The following ACTN1 variants were observed in gnomAD, a reference collection of about 807,000 sequenced individuals.
ACTN1 encodes actinin alpha 1, also known as alpha-actinin-1.
In ACTN1, 30 loss-of-function variants were observed where a neutral mutation model predicts 119.6. The observed-to-expected ratio is 0.25, with a 90% CI of 0.19 to 0.34. The LOEUF is 0.34. Ranked by LOEUF, ACTN1 falls within the 10% of genes least tolerant of loss-of-function variation. ACTN1 has a pLI of 1.00. For synonymous variants in ACTN1, 429 were observed against 472.6 expected, an observed-to-expected ratio of 0.91 and a Z score of 1.20; for missense variants, 764 against 1,223.4, an observed-to-expected ratio of 0.62 and a Z score of 5.60.
chr14:68,906,071 G>GGA (rs201503619), intron 6 of ACTN1, among the ~76,000 whole-genome samples: 2 of 141,808 alleles, frequency 1.4e-5, no homozygotes, highest in East Asian at 4.4e-4. Context: ...GCCAGAGGCC[G>GGA]GGGGGGCAGG....
intron 1 of ACTN1, among the ~76,000 whole-genome samples, chr14:68,968,233 T>C (rs2036766276): frequency 2.0e-5 from 3 of 152,284 alleles, no homozygotes; most frequent in African/African-American, 7.2e-5. Context: ...CTTTGAACAC[T>C]GGCGGGGTGC....
rs1464949258 is a variant in ACTN1 at position 68,879,370 on chromosome 14, C to T, written c.2281-301G>A. Among the ~76,000 whole-genome samples the T allele has an allele frequency of 2.0e-5, 3 of 152,068 alleles. No individual in the cohort carries two copies. The highest frequency in any genetic ancestry group is 2.0e-4 in the Admixed American group (3 of 15,278). ...CCTCAGAAGTGACCCAGCCCCCCCG[C>T]TTCCCCAGGGGCTTCCCCCCAGGTG... On this transcript the variant is annotated intron_variant, in intron 18 of 21. Coordinates refer to ENST00000394419, the MANE Select transcript of ACTN1 (RefSeq NM_001130004.2). This position sits in a 1 kb window ranked among gnomAD's most constrained non-coding sequence, Gnocchi z 4.9.
Position 68,888,146 on chromosome 14 carries a change from C to T in ACTN1, c.1234+1993G>A, listed in dbSNP as rs2032178078. ...GGCCGCGGCATGCTGACAGCCTTTG[C>T]GAAACTGTGCTGCCTGGCCGCTGCC... On this transcript the variant is annotated intron_variant, in intron 11 of 21. Coordinates refer to ENST00000394419, the MANE Select transcript of ACTN1 (RefSeq NM_001130004.2). The T allele has an allele frequency of 1.1e-5, 6 of 554,720 alleles. No individual in the cohort carries two copies. In the East Asian group the frequency reaches 1.4e-4, roughly 13 times the overall value. 34.4% of individuals were successfully genotyped at this position (554,720 alleles called of 1,614,324 possible).
rs764306381 is a variant in ACTN1 at position 68,884,353 on chromosome 14, A to G, written c.1495-45T>C. On this transcript the variant is annotated intron_variant, in intron 13 of 21. Transcript: ENST00000394419. ...TAAGGGTTAGTACAGTGATGTCCAG[A>G]ATCATCCCCCACTCCTATCAAGATC... is the stretch of plus-strand genomic sequence containing the variant. 6 of 1,579,632 alleles carry G rather than the reference A, an allele frequency of 3.8e-6. No homozygotes were observed. In the Admixed American group the frequency reaches 5.3e-5, roughly 14 times the overall value.
At position 68,979,182 on chromosome 14, in the gene ACTN1, C is replaced by A; in HGVS notation, c.-126G>T. On this transcript the variant is annotated 5_prime_UTR_variant, in exon 1 of 22. Coordinates refer to ENST00000394419, the MANE Select transcript of ACTN1 (RefSeq NM_001130004.2). ...GGGCTGGCGGGGCCGGGCTCGCTCC[C>A]CTGCGCCCGGTTCCGCCGCGGCGCT... 3.5e-6 allele frequency: 2 copies of A among 564,426 alleles called. No individual in the cohort carries two copies. The highest frequency in any genetic ancestry group is 5.4e-5 in the South Asian group (2 of 37,094). The allele number at this position is 564,426 out of a possible 1,614,324, so 35.0% of individuals were successfully genotyped here.
chr14:68,940,404 C>CTTG (rs2035726195), intron 1 of ACTN1, among the ~76,000 whole-genome samples: 1 of 152,160 alleles, frequency 6.6e-6, no homozygotes, highest in Non-Finnish European at 1.5e-5. Context: ...TTGACCCCTC[C>CTTG]ATGTAGTTGA....
At chr14:68,877,893 T>C (rs544023615) in intron 20 of ACTN1, 3 of 157,976 alleles carry the variant, frequency 1.9e-5, no homozygotes, top group South Asian at 3.8e-4. Context: ...TCACTGCTCC[T>C]AGCCCCATGC....
chr14:68,912,069 G>A lies in ACTN1; in HGVS notation c.427+87C>T, dbSNP rs529450842. ...AGGACATGGCCCCTGATCAACGTCC[G>A]TTGCCCTGGGTATGGGAGTTCTCCA... On this transcript the variant is annotated intron_variant, in intron 4 of 21. Coordinates refer to ENST00000394419, the MANE Select transcript of ACTN1 (RefSeq NM_001130004.2). 2.5e-5 allele frequency: 31 copies of A among 1,237,372 alleles called. No homozygotes were observed. In the Middle Eastern group the frequency reaches 1.1e-3, roughly 46 times the overall value. The allele number at this position is 1,237,372 out of a possible 1,614,324, so 76.6% of individuals were successfully genotyped here.
chr14:68,969,171 GGAAAAAGAAGAAGA>G (rs1475254154), intron 1 of ACTN1, among the ~76,000 whole-genome samples: 1 of 152,142 alleles, frequency 6.6e-6, no homozygotes, highest in Non-Finnish European at 1.5e-5. Context: ...GAGAGAAAGA[GGAAAAAGAAGAAGA>G]GAAAAAGAAA....
intron 7 of ACTN1, among the ~76,000 whole-genome samples, chr14:68,903,426 A>G (rs2033466306): frequency 6.6e-6 from 1 of 151,830 alleles, no homozygotes; most frequent in Non-Finnish European, 1.5e-5. Flanking sequence ...AATCCCAGCT[A>G]CTTGGGAGGC....
chr14:68,907,666 T>C (rs562992402), intron 6 of ACTN1, among the ~76,000 whole-genome samples: 5 of 152,124 alleles, frequency 3.3e-5, no homozygotes, highest in Admixed American at 6.5e-5. Context: ...CAGAGAGGGA[T>C]AGTGCGTGGG....
chr14:68,950,711 G>A (rs1469748036), intron 1 of ACTN1, among the ~76,000 whole-genome samples: 1 of 151,534 alleles, frequency 6.6e-6, no homozygotes, highest in Non-Finnish European at 1.5e-5. Flanking sequence ...ACAAGCACCC[G>A]CCACCACGCC....
Position 68,943,517 on chromosome 14 carries a change from C to T in ACTN1, c.106-17845G>A, listed in dbSNP as rs1402346143. Reference sequence around the variant, plus strand: ...AGCAAGGGCAGCCCTGGGGTGCTTTCGGCTCCCCAGCCCCCTCCCCCCAAC... The same window carrying T: ...AGCAAGGGCAGCCCTGGGGTGCTTTTGGCTCCCCAGCCCCCTCCCCCCAAC... On this transcript the variant is annotated intron_variant, in intron 1 of 21. Coordinates refer to ENST00000394419, the MANE Select transcript of ACTN1 (RefSeq NM_001130004.2). Among the ~76,000 whole-genome samples the T allele has an allele frequency of 3.9e-5, 6 of 152,218 alleles. No individual in the cohort carries two copies. In the East Asian group the frequency reaches 9.7e-4, roughly 25 times the overall value.
intron 1 of ACTN1, among the ~76,000 whole-genome samples, chr14:68,977,100 T>A (rs957424922): frequency 5.4e-4 from 83 of 152,326 alleles, no homozygotes; most frequent in Non-Finnish European, 4.4e-5. Context: ...CTCCTGCCCC[T>A]CCCAGGCACA....
chr14:68,920,880 G>T, intron 3 of ACTN1, 126 bp downstream of exon 3: 2 of 1,301,874 alleles, frequency 1.5e-6, no homozygotes, highest in Non-Finnish European at 2.1e-6. Flanking sequence ...AGATGGAGGT[G>T]CTGGGGACCC....
chr14:68,966,346 C>T (rs1316366694), intron 1 of ACTN1, among the ~76,000 whole-genome samples: 1 of 152,156 alleles, frequency 6.6e-6, no homozygotes, highest in African/African-American at 2.4e-5. Flanking sequence ...ATGTGATAAT[C>T]CAAGTACAGC....
At chr14:68,912,639 A>C (rs1356231199) in intron 3 of ACTN1, among the ~76,000 whole-genome samples, 1 of 152,152 alleles carries the variant, frequency 6.6e-6, no homozygotes, top group African/African-American at 2.4e-5. Context: ...AGCCTCCCAA[A>C]GTGCTGGAAT....
chr14:68,954,843 CT>C (rs1420720363), intron 1 of ACTN1, among the ~76,000 whole-genome samples: 2 of 152,178 alleles, frequency 1.3e-5, no homozygotes, highest in Non-Finnish European at 2.9e-5. Flanking sequence ...CCTGGTCAGA[CT>C]TTTTTTCTTT....
intron 8 of ACTN1, among the ~76,000 whole-genome samples, chr14:68,899,455 A>C (rs2033153662): frequency 1.6e-5 from 2 of 125,826 alleles, no homozygotes; most frequent in Non-Finnish European, 3.4e-5. Context: ...CACCTTACAC[A>C]CCACACTCCA....
Sources: gnomAD v4.1 joint callset for allele counts (sites outside exome capture counted in the v4.1 genomes callset) on GRCh38, gnomAD v4.1.1 for gene constraint, Gnocchi (gnomAD v3.1) non-coding constraint, MANE v1.5 for transcripts, NCBI Gene and HGNC (gene_info 2026-07-23, HGNC 2026-07-21) for gene names.